FARS2: variants seen among roughly 807,000 people sequenced by gnomAD.
FARS2 encodes the protein phenylalanyl-tRNA synthetase 2, mitochondrial, also known as phenylalanine--tRNA ligase, mitochondrial.
FARS2 carries 40 observed loss-of-function variants against 46.4 expected under a neutral mutation model. The observed-to-expected ratio is 0.86, with a 90% CI of 0.67 to 1.12. FARS2 has a LOEUF of 1.12. Among genes scored for constraint, FARS2 ranks in the 50% most tolerant of loss-of-function variants. The probability of loss-of-function intolerance (pLI) is 0.00; values close to 1 mark genes in which losing one functional copy is unlikely to be tolerated. For synonymous variants in FARS2, 234 were observed against 214.9 expected (o/e 1.09, Z -0.78); for missense variants, 513 against 567.9 (o/e 0.90, Z 0.98).
intron 6 of FARS2, among the ~76,000 whole-genome samples, chr6:5,685,801 T>C (rs1006496203): frequency 6.6e-6 from 1 of 152,178 alleles, no homozygotes; most frequent in African/African-American, 2.4e-5. Context: ...GAGGCCCATA[T>C]TGGGCCCCTT....
intron 2 of FARS2, chr6:5,371,066 C>T (rs1161018703): frequency 5.8e-6 from 2 of 345,252 alleles, no homozygotes; most frequent in African/African-American, 2.2e-5. Flanking sequence ...TGGAACTCAG[C>T]TCTTCTGAAT....
At chr6:5,474,952 C>T (rs192174975) in intron 4 of FARS2, among the ~76,000 whole-genome samples, 15 of 152,258 alleles carry the variant, frequency 9.9e-5, no homozygotes, top group East Asian at 9.7e-4. Context: ...GCCACCACGC[C>T]GGTGCCCAGC....
chr6:5,643,146 C>T (rs939247417), intron 6 of FARS2, among the ~76,000 whole-genome samples: 1 of 152,178 alleles, frequency 6.6e-6, no homozygotes, highest in African/African-American at 2.4e-5. Flanking sequence ...AAAAAAATTC[C>T]TGTCTCCCTT....
chr6:5,260,592 C>A (rs1436456398), upstream of FARS2: 3 of 1,198,558 alleles, frequency 2.5e-6, no homozygotes, highest in South Asian at 1.3e-5. Context: ...CAGCCCGCAC[C>A]CCCGGTCCCC....
chr6:5,271,144 A>G (rs1202703125), intron 1 of FARS2, among the ~76,000 whole-genome samples: 1 of 152,220 alleles, frequency 6.6e-6, no homozygotes, highest in Non-Finnish European at 1.5e-5. Context: ...TGATGTTGCC[A>G]AAGATTCAAT....
chr6:5,701,238 A>G (rs1383715195), intron 6 of FARS2, among the ~76,000 whole-genome samples: 1 of 152,200 alleles, frequency 6.6e-6, no homozygotes, highest in Non-Finnish European at 1.5e-5. Flanking sequence ...GCCCCCGGAG[A>G]GTTAGGGCCC....
chr6:5,417,462 A>G (rs1323551344), intron 3 of FARS2, among the ~76,000 whole-genome samples: 1 of 152,118 alleles, frequency 6.6e-6, no homozygotes, highest in Non-Finnish European at 1.5e-5. Flanking sequence ...CCTGGCCTCA[A>G]GTGATTCTCC....
Position 5,413,301 on chromosome 6 carries a change from G to T in FARS2, c.772+8600G>T, listed in dbSNP as rs78378937. ...GGAAATAATAAATTGAAATTGTTTG[G>T]GGTTTTATGTTAATTAAAATAAAAT... On this transcript the variant is annotated intron_variant, in intron 3 of 6. Transcript: ENST00000274680. Among the ~76,000 whole-genome samples, 147 of 152,242 alleles carry T rather than the reference G, an allele frequency of 9.7e-4. 2 individuals carry two copies. The East Asian group carries it at 0.014, about 15-fold the overall frequency.
chr6:5,322,523 G>A lies in FARS2; in HGVS notation c.-21-46027G>A, dbSNP rs576981894. 3.9e-5 allele frequency among the ~76,000 whole-genome samples: 6 copies of A among 152,248 alleles called. No individual in the cohort carries two copies. In the East Asian group the frequency reaches 1.2e-3, roughly 29 times the overall value. On this transcript the variant is annotated intron_variant, in intron 1 of 6. Transcript: ENST00000274680. Reference sequence around the variant, plus strand: ...GGCTGAATTTACAATTAAATGCATTGGATGCATTAAGTGAGGGACTGAAGC... The same window carrying A: ...GGCTGAATTTACAATTAAATGCATTAGATGCATTAAGTGAGGGACTGAAGC...
rs541403447 is a variant in FARS2 at position 5,364,549 on chromosome 6, AT to A, written c.-21-3996del. 2.6e-3 allele frequency among the ~76,000 whole-genome samples: 389 copies of A among 152,216 alleles called. 1 individual carries two copies. Among genetic ancestry groups the A allele is most frequent in the Admixed American group, 5.8e-3 (88 of 15,294 alleles). ...AAGATTTTATTAATAGTGTAGAAAA[AT>A]TTTTCAGTAGGTTAAGCTAAAACAG... is the stretch of plus-strand genomic sequence containing the variant. On this transcript the variant is annotated intron_variant, in intron 1 of 6. Transcript: ENST00000274680.
At chr6:5,326,848 C>T (rs1770426541) in intron 1 of FARS2, among the ~76,000 whole-genome samples, 1 of 152,146 alleles carries the variant, frequency 6.6e-6, no homozygotes. Context: ...AATTAGAAAC[C>T]TATTTACATA....
At chr6:5,628,818 C>T (rs977565479) in intron 6 of FARS2, among the ~76,000 whole-genome samples, 7 of 152,212 alleles carry the variant, frequency 4.6e-5, no homozygotes, top group African/African-American at 1.4e-4. Context: ...TTCCCTAAGC[C>T]GGTGGTAACT....
intron 2 of FARS2, among the ~76,000 whole-genome samples, chr6:5,389,170 C>A (rs73350538): frequency 0.092 from 14,064 of 152,178 alleles, 789 homozygotes; most frequent in African/African-American, 0.15. Flanking sequence ...TATCGGCTTG[C>A]AGAAATATTT....
intron 1 of FARS2, among the ~76,000 whole-genome samples, chr6:5,338,987 A>G (rs1463415115): frequency 6.6e-6 from 1 of 152,168 alleles, no homozygotes; most frequent in Non-Finnish European, 1.5e-5. Context: ...TATGGGTGTC[A>G]TATGTGGCTA....
intron 1 of FARS2, among the ~76,000 whole-genome samples, chr6:5,265,915 A>G (rs1481227678): frequency 6.6e-6 from 1 of 152,206 alleles, no homozygotes; most frequent in Non-Finnish European, 1.5e-5. Context: ...CCCAGGCTTC[A>G]GATAATTTTG....
chr6:5,471,197 T>G lies in FARS2; in HGVS notation c.904+40025T>G, dbSNP rs1765787944. On this transcript the variant is annotated intron_variant, in intron 4 of 6. Transcript: ENST00000274680. This position sits in a 1 kb window ranked among gnomAD's most constrained non-coding sequence, Gnocchi z 4.1. The stretch of plus-strand genomic sequence containing the variant: ...ATAATAGTGGAGCCTGCACCAAACG[T>G]CTTTCATTTGAGGAGCTAAAAATGA... 6.6e-6 allele frequency among the ~76,000 whole-genome samples: 1 copy of G among 152,220 alleles called. No homozygotes were observed. The highest frequency in any genetic ancestry group is 6.5e-5 in the Admixed American group (1 of 15,290).
At chr6:5,488,203 C>T (rs1766893206) in intron 4 of FARS2, among the ~76,000 whole-genome samples, 1 of 152,238 alleles carries the variant, frequency 6.6e-6, no homozygotes, top group Admixed American at 6.5e-5. Flanking sequence ...CAACTTTCCC[C>T]TAACAGTAGT....
rs571145042 is a variant in FARS2, at chr6:5,526,903, C to T, written c.905-18277C>T. On this transcript the variant is annotated intron_variant, in intron 4 of 6. Coordinates refer to ENST00000274680, the MANE Select transcript of FARS2 (RefSeq NM_006567.5). ...AAGTGCTGGGATTACAGGTGTGAGC[C>T]GCCACGTCTGGCCTATGCCTGGTTT... 2.2e-3 allele frequency among the ~76,000 whole-genome samples: 337 copies of T among 152,038 alleles called. 2 individuals carry two copies. The highest frequency in any genetic ancestry group is 7.6e-3 in the African/African-American group (315 of 41,472).
chr6:5,272,217 CAG>C (rs1043534762), intron 1 of FARS2, among the ~76,000 whole-genome samples: 1 of 152,114 alleles, frequency 6.6e-6, no homozygotes, highest in Non-Finnish European at 1.5e-5. Context: ...CAAGAAGAAA[CAG>C]GGTGAGTGCA....
Sources: gnomAD v4.1 joint callset for allele counts (sites outside exome capture counted in the v4.1 genomes callset) on GRCh38, gnomAD v4.1.1 for gene constraint, Gnocchi (gnomAD v3.1) non-coding constraint, MANE v1.5 for transcripts, NCBI Gene and HGNC (gene_info 2026-07-23, HGNC 2026-07-21) for gene names.